Variants in MFHAS1 observed in about 807,000 individuals in gnomAD.
MFHAS1 encodes the protein multifunctional ROCO family signaling regulator 1.
In MFHAS1, 50 loss-of-function variants were observed where a neutral mutation model predicts 70.4. That is an observed-to-expected ratio of 0.71 (90% confidence interval 0.57 to 0.90). The LOEUF is 0.90. MFHAS1 is among the 40% of genes least tolerant of loss of function. The pLI is 0.00. For missense variants in MFHAS1, 1,795 were observed against 1,347.6 expected (o/e 1.33, Z -5.20); for synonymous variants, 952 against 620.0 (o/e 1.54, Z -7.96).
chr8:8,883,969 G>A (rs1300030284), intron 1 of MFHAS1, among the ~76,000 whole-genome samples: 1 of 150,758 alleles, frequency 6.6e-6, no homozygotes, highest in Non-Finnish European at 1.5e-5. Context: ...AGGCTGAGTG[G>A]GGAGGACCAT....
chr8:8,835,989 C>CTA (rs2116843919), intron 1 of MFHAS1, among the ~76,000 whole-genome samples: 1 of 152,218 alleles, frequency 6.6e-6, no homozygotes, highest in East Asian at 1.9e-4. Flanking sequence ...GCCACACAGG[C>CTA]TATAGCCTGC....
chr8:8,800,090 T>A (rs1188306206), intron 1 of MFHAS1, among the ~76,000 whole-genome samples: 2 of 152,234 alleles, frequency 1.3e-5, no homozygotes, highest in Non-Finnish European at 2.9e-5. Flanking sequence ...AACTCATCTT[T>A]CCTAAATGAG....
At position 8,812,633 on chromosome 8, in the gene MFHAS1, T is replaced by C. The variant is rs146219524; in HGVS notation, c.2999-15142A>G. On this transcript the variant is annotated intron_variant, in intron 1 of 2. Coordinates refer to ENST00000276282, the MANE Select transcript of MFHAS1 (RefSeq NM_004225.3). ...CCCTAGGTGTGCAAATGAATATGGTTCCTGTGACACTGTCTTGGCGGGAAG... is the reference window on the plus strand; with the variant it reads ...CCCTAGGTGTGCAAATGAATATGGTCCCTGTGACACTGTCTTGGCGGGAAG... Among the ~76,000 whole-genome samples the C allele has an allele frequency of 5.8e-3, 886 of 152,302 alleles. 6 individuals carry two copies. The highest frequency in any genetic ancestry group is 0.011 in the Non-Finnish European group (716 of 68,030).
intron 1 of MFHAS1, among the ~76,000 whole-genome samples, chr8:8,798,667 G>T (rs1805985734): frequency 6.6e-6 from 1 of 152,150 alleles, no homozygotes; most frequent in African/African-American, 2.4e-5. Flanking sequence ...AATCAAGGAT[G>T]TGAAATGTAC....
chr8:8,787,273 GGT>G (rs1563173139), intron 2 of MFHAS1, among the ~76,000 whole-genome samples: 1 of 151,940 alleles, frequency 6.6e-6, no homozygotes, highest in Non-Finnish European at 1.5e-5. Context: ...GTAGAGATGG[GGT>G]TTCACCATGT....
At chr8:8,825,582 C>T (rs1056732181) in intron 1 of MFHAS1, among the ~76,000 whole-genome samples, 7 of 152,142 alleles carry the variant, frequency 4.6e-5, no homozygotes, top group Admixed American at 6.6e-5. Flanking sequence ...CAGGTGGCTG[C>T]CTTCTCCCGG....
chr8:8,850,056 G>C (rs550893809), intron 1 of MFHAS1, among the ~76,000 whole-genome samples: 107 of 152,324 alleles, frequency 7.0e-4, no homozygotes, highest in Non-Finnish European at 1.2e-3. Context: ...TACTATGCTT[G>C]TTCTAATGAA....
At chr8:8,845,075 T>G (rs1807978892) in intron 1 of MFHAS1, among the ~76,000 whole-genome samples, 2 of 152,232 alleles carry the variant, frequency 1.3e-5, no homozygotes, top group South Asian at 4.1e-4. Context: ...GTATTCTGAA[T>G]GCACATGTGT....
Position 8,887,602 on chromosome 8 carries a change from T to C in MFHAS1, c.2998+2459A>G, listed in dbSNP as rs545577948. On this transcript the variant is annotated intron_variant, in intron 1 of 2. Coordinates refer to ENST00000276282, the MANE Select transcript of MFHAS1 (RefSeq NM_004225.3). ...ATATGTATATGTATATATTTTATAA[T>C]CGTGCTCTAAAAACAACTGATGATT... Among the ~76,000 whole-genome samples, 5 of 150,494 alleles carry C rather than the reference T, an allele frequency of 3.3e-5. No individual in the cohort carries two copies. The South Asian group carries it at 1.0e-3, about 31-fold the overall frequency.
At chr8:8,834,717 T>A (rs574310490) in intron 1 of MFHAS1, among the ~76,000 whole-genome samples, 1 of 152,208 alleles carries the variant, frequency 6.6e-6, no homozygotes, top group Non-Finnish European at 1.5e-5. Flanking sequence ...AGTATCCCCA[T>A]CATTAAGGGA....
chr8:8,858,132 T>C lies in MFHAS1; in HGVS notation c.2998+31929A>G, dbSNP rs77165419. ...CATCTGTCTAGTATCTGAACAGAAA[T>C]TGGGACGGAGCACAGGGGGTATACA... On this transcript the variant is annotated intron_variant, in intron 1 of 2. Transcript: ENST00000276282. Among the ~76,000 whole-genome samples the C allele has an allele frequency of 6.6e-3, 1,008 of 152,210 alleles. 13 individuals are homozygous for C. Among genetic ancestry groups the C allele is most frequent in the African/African-American group, 0.023 (963 of 41,526 alleles).
chr8:8,893,402 G>C lies in MFHAS1; in HGVS notation c.-344C>G, dbSNP rs1810180024. The C allele has an allele frequency of 6.9e-6, 1 of 145,766 alleles. No homozygotes were observed. The highest frequency in any genetic ancestry group is 2.5e-5 in the African/African-American group (1 of 40,680). 9.0% of individuals were successfully genotyped at this position (145,766 alleles called of 1,614,324 possible). A position where few individuals can be genotyped will look rare whatever the true frequency, so the allele number is the denominator to read the frequency against. On this transcript the variant is annotated 5_prime_UTR_variant, in exon 1 of 3. Coordinates refer to ENST00000276282, the MANE Select transcript of MFHAS1 (RefSeq NM_004225.3). ...GCGGCGCCTCGGGGGGCCCGGCTCCGGCCCCGCTACCCTCGCAGCCGCGGT... is the reference window on the plus strand; with the variant it reads ...GCGGCGCCTCGGGGGGCCCGGCTCCCGCCCCGCTACCCTCGCAGCCGCGGT...
chr8:8,824,113 T>C (rs1807066981), intron 1 of MFHAS1, among the ~76,000 whole-genome samples: 1 of 151,550 alleles, frequency 6.6e-6, no homozygotes, highest in African/African-American at 2.4e-5. Context: ...TCCGTACAGC[T>C]CTTTTGTCTG....
intron 1 of MFHAS1, among the ~76,000 whole-genome samples, chr8:8,837,939 G>A (rs781084864): frequency 3.3e-5 from 5 of 152,122 alleles, no homozygotes; most frequent in African/African-American, 4.8e-5. Flanking sequence ...TGTTTACTCA[G>A]GAGAAACAAT....
chr8:8,848,620 AT>A (rs35147353), intron 1 of MFHAS1, among the ~76,000 whole-genome samples: 52,338 of 152,000 alleles, frequency 0.34, 10,775 homozygotes, highest in East Asian at 0.72. Context: ...GCAGTTATTA[AT>A]TTTTTTTAAA....
At chr8:8,862,899 T>C (rs1808720414) in intron 1 of MFHAS1, among the ~76,000 whole-genome samples, 2 of 152,214 alleles carry the variant, frequency 1.3e-5, no homozygotes, top group South Asian at 2.1e-4. Context: ...ACATAGTCTA[T>C]TTAACAGTAA....
chr8:8,853,318 C>G (rs11787461), intron 1 of MFHAS1, among the ~76,000 whole-genome samples: 1 of 152,086 alleles, frequency 6.6e-6, no homozygotes, highest in Non-Finnish European at 1.5e-5. Context: ...CTGCCCCTTT[C>G]TACCTTTTGG....
chr8:8,864,646 C>A (rs1198010046), intron 1 of MFHAS1, among the ~76,000 whole-genome samples: 3 of 152,212 alleles, frequency 2.0e-5, no homozygotes, highest in Admixed American at 2.0e-4. Context: ...CTCTTCCTAT[C>A]ATTTGTACCA....
chr8:8,891,393 G>A lies in MFHAS1; in HGVS notation c.1666C>T (p.Arg556Cys), dbSNP rs910238054. ...TGCTTCTCCTGCAGGGCGATCTGGC[G>A]GTGAATGTCCAGACATTTCTCCTCC... is the stretch of plus-strand genomic sequence containing the variant. ...ELEEKCLDIH[R>C]QIALQEKHDA... is the part of the protein sequence containing the mutation. Residue 556 changes from arginine to cysteine, a missense_variant, in exon 1 of 3, where the codon CGC (arginine) becomes TGC (cysteine). Arg to Cys is a radical substitution (Grantham distance 180). Transcript: ENST00000276282. The surrounding 1 kb of genome is among the most constrained non-coding windows in gnomAD (Gnocchi z 5.4). The A allele has an allele frequency of 7.5e-5, 121 of 1,612,068 alleles. No individual in the cohort carries two copies. The East Asian group carries it at 2.6e-3, about 35-fold the overall frequency.
Sources: gnomAD v4.1 joint callset for allele counts (sites outside exome capture counted in the v4.1 genomes callset) on GRCh38, gnomAD v4.1.1 for gene constraint, Gnocchi (gnomAD v3.1) non-coding constraint, MANE v1.5 for transcripts, NCBI Gene and HGNC (gene_info 2026-07-23, HGNC 2026-07-21) for gene names.